NKAIN2: variants seen among roughly 807,000 people sequenced by gnomAD.
The protein encoded by NKAIN2 is sodium/potassium-transporting ATPase subunit beta-1-interacting protein 2.
A neutral mutation model predicts 32.6 loss-of-function variants in NKAIN2; 14 were observed. That is an observed-to-expected ratio of 0.43 (90% CI 0.28 to 0.67). The LOEUF (loss-of-function observed/expected upper bound fraction) is 0.67. Ranked by LOEUF, NKAIN2 falls within the 30% of genes least tolerant of loss-of-function variation. The pLI, the probability that NKAIN2 is intolerant of heterozygous loss-of-function variation, is 0.17. For synonymous variants in NKAIN2, 80 were observed against 87.2 expected (o/e 0.92, Z 0.46); for missense variants, 198 against 258.3 (o/e 0.77, Z 1.60).
At chr6:124,504,464 A>G (rs1346035344) in intron 3 of NKAIN2, among the ~76,000 whole-genome samples, 1 of 152,216 alleles carries the variant, frequency 6.6e-6, no homozygotes, top group African/African-American at 2.4e-5. Context: ...ATACTTTAAA[A>G]TTCTCTTACT....
chr6:124,305,136 T>C (rs1488446659), intron 2 of NKAIN2, among the ~76,000 whole-genome samples: 5 of 152,194 alleles, frequency 3.3e-5, no homozygotes, highest in Non-Finnish European at 5.9e-5. Context: ...GAAGAGTTTT[T>C]CATTTTTAAG....
intron 1 of NKAIN2, among the ~76,000 whole-genome samples, chr6:123,913,648 C>G (rs1165909922): frequency 6.6e-6 from 1 of 152,090 alleles, no homozygotes; most frequent in Non-Finnish European, 1.5e-5. Context: ...AGTATGGTCT[C>G]TAAGAGGTAG....
chr6:124,338,476 C>CT (rs1432790807), intron 2 of NKAIN2, among the ~76,000 whole-genome samples: 1 of 152,124 alleles, frequency 6.6e-6, no homozygotes, highest in African/African-American at 2.4e-5. Context: ...ATGATTATCA[C>CT]TTGCTTTTCT....
intron 1 of NKAIN2, among the ~76,000 whole-genome samples, chr6:123,837,794 G>GT (rs1438720877): frequency 6.6e-6 from 1 of 152,006 alleles, no homozygotes; most frequent in Non-Finnish European, 1.5e-5. Flanking sequence ...ATCTGAGACA[G>GT]TTTTCATTTC....
intron 1 of NKAIN2, among the ~76,000 whole-genome samples, chr6:123,834,991 A>G (rs552578851): frequency 5.1e-4 from 78 of 152,108 alleles, no homozygotes; most frequent in Non-Finnish European, 1.0e-3. Context: ...GAGGATTTCT[A>G]TATCTATGTT....
chr6:124,346,286 G>A (rs1234153807), intron 2 of NKAIN2, among the ~76,000 whole-genome samples: 2 of 152,072 alleles, frequency 1.3e-5, no homozygotes, highest in Admixed American at 6.5e-5. Context: ...GGTGTGGTGT[G>A]GTGCTGAAAA....
intron 2 of NKAIN2, among the ~76,000 whole-genome samples, chr6:124,338,144 C>A (rs115060252): frequency 0.01 from 1,558 of 152,160 alleles, 29 homozygotes; most frequent in African/African-American, 0.034. Context: ...TCACAGATGC[C>A]TTCGAAGTGG....
chr6:124,372,441 C>G (rs1331551536), intron 3 of NKAIN2, among the ~76,000 whole-genome samples: 1 of 151,966 alleles, frequency 6.6e-6, no homozygotes, highest in Non-Finnish European at 1.5e-5. Flanking sequence ...GCTGCCCTTC[C>G]CAGATAGAGA....
At chr6:124,275,850 A>C (rs745601398) in intron 1 of NKAIN2, among the ~76,000 whole-genome samples, 4 of 152,150 alleles carry the variant, frequency 2.6e-5, no homozygotes, top group Non-Finnish European at 5.9e-5. Flanking sequence ...ATCCATTTTA[A>C]GATGCAATCC....
chr6:124,702,864 T>G (rs928386416), intron 4 of NKAIN2, among the ~76,000 whole-genome samples: 6 of 152,110 alleles, frequency 3.9e-5, no homozygotes, highest in African/African-American at 1.4e-4. Flanking sequence ...CAATGCTATG[T>G]GGGTAATTTT....
At chr6:124,019,003 T>A (rs950951181) in intron 1 of NKAIN2, among the ~76,000 whole-genome samples, 6 of 152,138 alleles carry the variant, frequency 3.9e-5, no homozygotes, top group Admixed American at 2.0e-4. Context: ...CTCACAGTCA[T>A]GGCAGAAGGT....
At chr6:124,815,254 A>ATG (rs1781107524) in intron 5 of NKAIN2, among the ~76,000 whole-genome samples, 1 of 124,414 alleles carries the variant, frequency 8.0e-6, no homozygotes, top group South Asian at 2.6e-4. Flanking sequence ...ATATATGTAT[A>ATG]TATATATGTG....
chr6:123,897,259 C>G (rs897209765), intron 1 of NKAIN2, among the ~76,000 whole-genome samples: 1 of 152,070 alleles, frequency 6.6e-6, no homozygotes, highest in African/African-American at 2.4e-5. Context: ...ACTCATAACC[C>G]CTCATGACCT....
intron 1 of NKAIN2, among the ~76,000 whole-genome samples, chr6:124,238,299 ATATAATC>A (rs1307592615): frequency 2.0e-5 from 3 of 152,136 alleles, no homozygotes; most frequent in Non-Finnish European, 4.4e-5. Flanking sequence ...CATTAAAAAT[ATATAATC>A]TTATACTTTT....
intron 1 of NKAIN2, among the ~76,000 whole-genome samples, chr6:124,243,587 T>C (rs991678385): frequency 2.0e-5 from 3 of 152,124 alleles, no homozygotes; most frequent in African/African-American, 7.2e-5. Flanking sequence ...ATGTCATCCA[T>C]ATGGATCTTC....
At chr6:124,035,050 A>G (rs933785961) in intron 1 of NKAIN2, among the ~76,000 whole-genome samples, 13 of 152,096 alleles carry the variant, frequency 8.5e-5, no homozygotes, top group African/African-American at 3.1e-4. Context: ...AACTACAAGT[A>G]CAAGAAAAAA....
chr6:123,884,898 T>C (rs1289136585), intron 1 of NKAIN2, among the ~76,000 whole-genome samples: 1 of 152,168 alleles, frequency 6.6e-6, no homozygotes, highest in Non-Finnish European at 1.5e-5. Flanking sequence ...TCTATATTTT[T>C]AGTTAATTGA....
At chr6:124,300,105 C>G (rs1460687856) in intron 2 of NKAIN2, among the ~76,000 whole-genome samples, 1 of 152,086 alleles carries the variant, frequency 6.6e-6, no homozygotes, top group Non-Finnish European at 1.5e-5. Context: ...ACCCCCAATT[C>G]CTCTTTACAT....
intron 4 of NKAIN2, among the ~76,000 whole-genome samples, chr6:124,726,078 T>C (rs1776286196): frequency 6.6e-6 from 1 of 152,186 alleles, no homozygotes; most frequent in Admixed American, 6.5e-5. Context: ...GTCTCGCTGA[T>C]TGCTAGCACA....
Sources: gnomAD v4.1 joint callset for allele counts (sites outside exome capture counted in the v4.1 genomes callset) on GRCh38, gnomAD v4.1.1 for gene constraint, MANE v1.5 for transcripts, NCBI Gene and HGNC (gene_info 2026-07-23, HGNC 2026-07-21) for gene names.